The following LPAR6 variants were observed in gnomAD, a reference collection of about 807,000 sequenced individuals.
LPAR6 encodes G-protein coupled purinergic receptor P2Y5.
A neutral mutation model predicts 22.0 loss-of-function variants in LPAR6; 17 were observed. The ratio of observed to expected loss-of-function variants is 0.77; its 90% CI spans 0.53 to 1.16. The LOEUF is 1.16. LPAR6 is among the 50% of genes most tolerant of loss of function. The probability of loss-of-function intolerance (pLI) is 0.00; values close to 1 mark genes in which losing one functional copy is unlikely to be tolerated. For synonymous variants in LPAR6, 136 were observed against 139.8 expected (o/e 0.97, Z 0.19); for missense variants, 384 against 406.9 (o/e 0.94, Z 0.48).
At position 48,404,609 on chromosome 13, in the gene LPAR6, C is replaced by T. The variant is rs560546035; in HGVS notation, n.114+11091G>A. ...TGGTGTGATCTCCGCTCACTGCAACCGCTGCCTCCTAGGTTCAAACGATTC... is the reference window on the plus strand; with the variant it reads ...TGGTGTGATCTCCGCTCACTGCAACTGCTGCCTCCTAGGTTCAAACGATTC... On this transcript the variant is annotated intron_variant and non_coding_transcript_variant, in intron 1 of 1. Transcript: ENST00000462781. 2.1e-4 allele frequency among the ~76,000 whole-genome samples: 32 copies of T among 152,012 alleles called. 1 individual carries two copies. Among genetic ancestry groups the T allele is most frequent in the Admixed American group, 1.7e-3 (26 of 15,270 alleles).
At chr13:48,410,401 G>A (rs930521638), downstream of LPAR6, among the ~76,000 whole-genome samples, 8 of 152,142 alleles carry the variant, frequency 5.3e-5, no homozygotes, top group Non-Finnish European at 1.2e-4. Flanking sequence ...GTGTAATAGT[G>A]TATACCTTCT....
intron 1 of LPAR6, among the ~76,000 whole-genome samples, chr13:48,443,236 GA>G (rs1398711466): frequency 6.6e-6 from 1 of 151,272 alleles, no homozygotes; most frequent in Admixed American, 6.6e-5. Flanking sequence ...TTTTAGCTAA[GA>G]AAAAAGATTC....
At chr13:48,413,697 T>C (rs552480041), upstream of LPAR6, among the ~76,000 whole-genome samples, 34 of 152,346 alleles carry the variant, frequency 2.2e-4, no homozygotes, top group Admixed American at 4.6e-4. Context: ...CTCTTTCCTA[T>C]GCAGTTGTAT....
downstream of LPAR6, among the ~76,000 whole-genome samples, chr13:48,410,674 C>A (rs1221896359): frequency 6.6e-6 from 1 of 152,092 alleles, no homozygotes; most frequent in Non-Finnish European, 1.5e-5. Context: ...TTCTCCCTCT[C>A]AATTTTTGTG....
downstream of LPAR6, chr13:48,408,498 A>G (rs1470608418): frequency 6.6e-6 from 1 of 152,114 alleles, no homozygotes; most frequent in African/African-American, 2.4e-5. Flanking sequence ...CACAGTTTTT[A>G]TAGGGGGGCT....
intron 1 of LPAR6, among the ~76,000 whole-genome samples, chr13:48,396,639 T>C (rs1948650654): frequency 6.6e-6 from 1 of 152,068 alleles, no homozygotes; most frequent in African/African-American, 2.4e-5. Flanking sequence ...AAGCCAAAAT[T>C]GACGAATGGG....
intron 1 of LPAR6, among the ~76,000 whole-genome samples, chr13:48,403,410 G>A (rs1474103393): frequency 6.6e-6 from 1 of 152,060 alleles, no homozygotes; most frequent in Non-Finnish European, 1.5e-5. Context: ...AAACTGTGGA[G>A]GGAAGTGGAG....
At chr13:48,433,503 A>C (rs17071714) in intron 1 of LPAR6, among the ~76,000 whole-genome samples, 7,591 of 152,142 alleles carry the variant, frequency 0.05, 626 homozygotes, top group African/African-American at 0.17. Flanking sequence ...TCTGTAAAAA[A>C]TTTTTGTTCA....
intron 1 of LPAR6, chr13:48,391,631 CT>C (rs1431593497): frequency 1.3e-5 from 2 of 149,776 alleles, no homozygotes; most frequent in Non-Finnish European, 3.0e-5. Context: ...TTTTTTTTTT[CT>C]TTTTGAGATG....
At chr13:48,414,176 C>T (rs1948867634), upstream of LPAR6, among the ~76,000 whole-genome samples, 1 of 151,810 alleles carries the variant, frequency 6.6e-6, no homozygotes, top group Non-Finnish European at 1.5e-5. Context: ...GGCGAAACCC[C>T]ATCTCTACCA....
intron 1 of LPAR6, among the ~76,000 whole-genome samples, chr13:48,394,095 C>T (rs9591164): frequency 0.012 from 1,785 of 152,196 alleles, 30 homozygotes; most frequent in African/African-American, 0.037. Flanking sequence ...ATGCAGCCCA[C>T]GGAGGGCAAG....
At chr13:48,398,503 A>T (rs1392535774) in intron 1 of LPAR6, among the ~76,000 whole-genome samples, 1 of 151,788 alleles carries the variant, frequency 6.6e-6, no homozygotes, top group Non-Finnish European at 1.5e-5. Context: ...CAATAGTTTG[A>T]TAGAGTCCTG....
At chr13:48,419,627 G>C (rs1948973375) in intron 2 of LPAR6, among the ~76,000 whole-genome samples, 1 of 152,022 alleles carries the variant, frequency 6.6e-6, no homozygotes, top group Admixed American at 6.6e-5. Context: ...TAACAAAATA[G>C]ATAGACCACT....
chr13:48,405,847 G>T (rs1196946915), intron 1 of LPAR6, among the ~76,000 whole-genome samples: 1 of 151,996 alleles, frequency 6.6e-6, no homozygotes, highest in Non-Finnish European at 1.5e-5. Context: ...AAGCAGGTAT[G>T]CACGTTTTAT....
chr13:48,408,251 C>T (rs116200153), downstream of LPAR6, among the ~76,000 whole-genome samples: 2,801 of 151,668 alleles, frequency 0.018, 106 homozygotes, highest in African/African-American at 0.065. Flanking sequence ...GTTTAATTTT[C>T]TGTGAATATA....
chr13:48,404,107 C>G (rs1047241031), intron 1 of LPAR6: 1 of 152,142 alleles, frequency 6.6e-6, no homozygotes, highest in African/African-American at 2.4e-5. Flanking sequence ...AGGCTGAAGC[C>G]CCATGCTGTT....
intron 1 of LPAR6, among the ~76,000 whole-genome samples, chr13:48,440,878 C>T (rs1477998063): frequency 6.6e-6 from 1 of 152,090 alleles, no homozygotes; most frequent in African/African-American, 2.4e-5. Context: ...ATTTTAAACT[C>T]TCATCTGTAT....
At chr13:48,424,937 C>G (rs1303225399) in intron 1 of LPAR6, among the ~76,000 whole-genome samples, 1 of 151,954 alleles carries the variant, frequency 6.6e-6, no homozygotes, top group Non-Finnish European at 1.5e-5. Context: ...ACCTGTAATC[C>G]CAGCTACTCA....
intron 1 of LPAR6, among the ~76,000 whole-genome samples, chr13:48,400,306 A>T (rs74075998): frequency 2.8e-4 from 42 of 152,230 alleles, no homozygotes; most frequent in African/African-American, 1.0e-3. Flanking sequence ...TATGAAATAG[A>T]TTCTGTCATC....
Sources: gnomAD v4.1 joint callset for allele counts (sites outside exome capture counted in the v4.1 genomes callset) on GRCh38, gnomAD v4.1.1 for gene constraint, MANE v1.5 for transcripts, NCBI Gene and HGNC (gene_info 2026-07-23, HGNC 2026-07-21) for gene names.